DAB1: variants seen among roughly 807,000 people sequenced by gnomAD.
DAB1 encodes the protein DAB adaptor protein 1.
DAB1 carries 15 observed loss-of-function variants against 64.6 expected under a neutral mutation model. That is an observed-to-expected ratio of 0.23 (90% confidence interval 0.16 to 0.36). The LOEUF is 0.36. Among genes scored for constraint, DAB1 ranks in the 10% least tolerant of loss-of-function variants. The pLI is 1.00. For missense variants in DAB1, 596 were observed against 706.7 expected, an observed-to-expected ratio of 0.84 and a Z score of 1.78; for synonymous variants, 235 against 251.9, an observed-to-expected ratio of 0.93 and a Z score of 0.64.
intron 6 of DAB1, among the ~76,000 whole-genome samples, chr1:57,754,681 TTC>T (rs1648718453): frequency 1.4e-5 from 2 of 147,304 alleles, no homozygotes; most frequent in Non-Finnish European, 3.0e-5. Flanking sequence ...TAGAGGGAGA[TTC>T]TGTCTAAAAT....
At chr1:57,891,899 C>T (rs562246648) in intron 5 of DAB1, among the ~76,000 whole-genome samples, 135 of 152,198 alleles carry the variant, frequency 8.9e-4, no homozygotes, top group African/African-American at 3.1e-3. Flanking sequence ...ATGTAGACGA[C>T]GGGTTGATGG....
intron 6 of DAB1, among the ~76,000 whole-genome samples, chr1:57,715,342 G>C (rs1309059067): frequency 6.6e-6 from 1 of 152,156 alleles, no homozygotes; most frequent in African/African-American, 2.4e-5. Flanking sequence ...GGGAAAAGCT[G>C]AAAGCTTTTC....
At chr1:58,154,488 G>T (rs974554035) in intron 4 of DAB1, among the ~76,000 whole-genome samples, 5 of 149,306 alleles carry the variant, frequency 3.3e-5, no homozygotes, top group Admixed American at 1.3e-4. Context: ...TCATTCATTA[G>T]CAATGTGCTA....
intron 6 of DAB1, among the ~76,000 whole-genome samples, chr1:57,786,191 T>C (rs1053371841): frequency 6.6e-6 from 1 of 152,200 alleles, no homozygotes; most frequent in African/African-American, 2.4e-5. Flanking sequence ...GCACACTTAA[T>C]GGACTACAGT....
intron 9 of DAB1, among the ~76,000 whole-genome samples, chr1:57,060,894 T>A (rs1382873544): frequency 1.3e-5 from 2 of 151,890 alleles, no homozygotes; most frequent in Non-Finnish European, 2.9e-5. Context: ...GCCAGAATCA[T>A]TAATAAATTC....
At chr1:58,235,151 A>G (rs1659960348) in intron 4 of DAB1, among the ~76,000 whole-genome samples, 2 of 152,226 alleles carry the variant, frequency 1.3e-5, no homozygotes, top group Non-Finnish European at 2.9e-5. Flanking sequence ...GGCAAATACT[A>G]ACATTTAATG....
chr1:58,016,774 T>A (rs1646746389), intron 5 of DAB1, among the ~76,000 whole-genome samples: 1 of 152,166 alleles, frequency 6.6e-6, no homozygotes, highest in African/African-American at 2.4e-5. Context: ...ATGTACTATG[T>A]ACCAGGTGCA....
In DAB1 at chr1:57,010,687, T is replaced by A; in HGVS notation, c.*8A>T. ...AAAAGGACAGATACCTACCCAGACC[T>A]GCGCTATCTAGCTACCGGCCTGTGG... On this transcript the variant is annotated 3_prime_UTR_variant, in exon 14 of 15. Coordinates refer to ENST00000371236, the MANE Select transcript of DAB1 (RefSeq NM_001365792.1). 6.5e-7 allele frequency: 1 copy of A among 1,538,478 alleles called. No homozygotes were observed. Among genetic ancestry groups the A allele is most frequent in the Non-Finnish European group, 8.8e-7 (1 of 1,136,328 alleles).
intron 7 of DAB1, among the ~76,000 whole-genome samples, chr1:57,540,833 G>C (rs1265564344): frequency 6.6e-6 from 1 of 152,164 alleles, no homozygotes; most frequent in Non-Finnish European, 1.5e-5. Context: ...GTAGTGGGTA[G>C]GGGGAATGAA....
At chr1:57,370,343 C>G (rs1680396783) in intron 1 of DAB1, among the ~76,000 whole-genome samples, 1 of 152,114 alleles carries the variant, frequency 6.6e-6, no homozygotes, top group Non-Finnish European at 1.5e-5. Context: ...GAGAAGAGAC[C>G]TGGATTCAAG....
intron 9 of DAB1, among the ~76,000 whole-genome samples, chr1:57,047,864 T>C (rs960093691): frequency 6.6e-6 from 1 of 152,158 alleles, no homozygotes; most frequent in African/African-American, 2.4e-5. Context: ...CAGTCTTCCT[T>C]CCTCCAGTAG....
intron 1 of DAB1, among the ~76,000 whole-genome samples, chr1:57,841,648 C>A (rs1219336684): frequency 1.3e-5 from 2 of 152,196 alleles, no homozygotes; most frequent in Non-Finnish European, 2.9e-5. Context: ...GTACCTTGGC[C>A]CCTTTTAGCC....
In DAB1 at chr1:58,281,346, A is replaced by G. The variant is rs60321773; in HGVS notation, n.309+62006T>C. On this transcript the variant is annotated intron_variant and non_coding_transcript_variant, in intron 4 of 20. Transcript: ENST00000485760. ...CAAGTGACGAAGCCTGAAACCTGGG[A>G]TTCTTCCTTGACTACCTTCAGCCTT... is the stretch of plus-strand genomic sequence containing the variant. 2.4e-3 allele frequency among the ~76,000 whole-genome samples: 353 copies of G among 148,514 alleles called. 1 individual carries two copies. The highest frequency in any genetic ancestry group is 8.2e-3 in the African/African-American group (329 of 39,894).
chr1:57,692,408 G>C (rs541333211), intron 6 of DAB1, among the ~76,000 whole-genome samples: 1 of 152,050 alleles, frequency 6.6e-6, no homozygotes, highest in Non-Finnish European at 1.5e-5. Context: ...GAGAGAAAGA[G>C]AAAGAGAAAG....
chr1:57,589,248 A>G (rs1383286218), intron 7 of DAB1, among the ~76,000 whole-genome samples: 1 of 152,136 alleles, frequency 6.6e-6, no homozygotes, highest in Non-Finnish European at 1.5e-5. Flanking sequence ...CAAAAAAACC[A>G]TATGTTTATC....
chr1:57,241,448 A>G (rs1668487127), intron 2 of DAB1, among the ~76,000 whole-genome samples: 1 of 152,174 alleles, frequency 6.6e-6, no homozygotes, highest in South Asian at 2.1e-4. Context: ...AAGCCTACCA[A>G]CCAGGGCACA....
At chr1:57,642,175 G>C (rs532368777) in intron 7 of DAB1, among the ~76,000 whole-genome samples, 28 of 152,244 alleles carry the variant, frequency 1.8e-4, no homozygotes, top group African/African-American at 6.7e-4. Context: ...GAAAAAACAT[G>C]TCTCAGTACC....
intron 6 of DAB1, among the ~76,000 whole-genome samples, chr1:57,816,677 G>C (rs994446520): frequency 4.6e-5 from 7 of 152,148 alleles, no homozygotes; most frequent in African/African-American, 1.7e-4. Context: ...TCTGTGAGTT[G>C]CCGTCATAAA....
intron 4 of DAB1, among the ~76,000 whole-genome samples, chr1:58,326,911 T>G (rs535506720): frequency 1.3e-3 from 195 of 152,242 alleles, no homozygotes; most frequent in Non-Finnish European, 1.9e-3. Context: ...CTCTTGGCTT[T>G]GATTTTTAAA....
Sources: gnomAD v4.1 joint callset for allele counts (sites outside exome capture counted in the v4.1 genomes callset) on GRCh38, gnomAD v4.1.1 for gene constraint, MANE v1.5 for transcripts, NCBI Gene and HGNC (gene_info 2026-07-23, HGNC 2026-07-21) for gene names.